Variants in ASAP2 observed in about 807,000 individuals in gnomAD.
ASAP2 encodes the protein arf-GAP with SH3 domain, ANK repeat and PH domain-containing protein 2.
ASAP2 carries 45 observed loss-of-function variants against 131.4 expected under a neutral mutation model. The observed-to-expected ratio is 0.34, with a 90% confidence interval of 0.27 to 0.44. The LOEUF (loss-of-function observed/expected upper bound fraction) is 0.44. Among genes scored for constraint, ASAP2 ranks in the 20% least tolerant of loss-of-function variants. The probability of loss-of-function intolerance (pLI) is 1.00; values close to 1 mark genes in which losing one functional copy is unlikely to be tolerated. For synonymous variants in ASAP2, 510 were observed against 503.0 expected (o/e 1.01, Z -0.19); for missense variants, 1,011 against 1,297.0 (o/e 0.78, Z 3.39).
At chr2:9,379,458 G>A (rs1478928122) in intron 19 of ASAP2, among the ~76,000 whole-genome samples, 1 of 152,122 alleles carries the variant, frequency 6.6e-6, no homozygotes, top group African/African-American at 2.4e-5. Flanking sequence ...TACAGGGGGA[G>A]ATGCTGTTTA....
intron 24 of ASAP2, among the ~76,000 whole-genome samples, chr2:9,396,737 C>A (rs561540324): frequency 6.6e-6 from 1 of 152,224 alleles, no homozygotes; most frequent in Non-Finnish European, 1.5e-5. Context: ...CACAGTGGCT[C>A]ACACCTACAA....
In ASAP2 at chr2:9,297,387, G is replaced by T. The variant is rs373522266; in HGVS notation, c.287G>T (p.Ser96Ile). 1 of 1,614,176 alleles carries T rather than the reference G, an allele frequency of 6.2e-7. No individual in the cohort carries two copies. Among genetic ancestry groups the T allele is most frequent in the Non-Finnish European group, 8.5e-7 (1 of 1,180,032 alleles). ...TGCAGAGATGACCCAGATTTAGGAA[G>T]TGCGTTCCTGAAGTTCTCAGTGTTT... ...CVCRDDPDLG[S>I]AFLKFSVFTK... is the part of the protein sequence containing the mutation. The change falls in exon 3 of 28, where the codon AGT (serine) becomes ATT (isoleucine). Residue 96 changes from serine (S) to isoleucine (I), a missense_variant. By Grantham distance (142) the Ser-to-Ile change is moderately radical. This residue lies in a region of ASAP2 where 359 missense variants were observed against 598.1 expected (regional missense o/e 0.60). Transcript: ENST00000281419.
intron 1 of ASAP2, among the ~76,000 whole-genome samples, chr2:9,228,999 C>G (rs1008947251): frequency 6.6e-6 from 1 of 152,132 alleles, no homozygotes; most frequent in Non-Finnish European, 1.5e-5. Context: ...CTGCCGGGCT[C>G]CATTCCGAAA....
intron 2 of ASAP2, among the ~76,000 whole-genome samples, chr2:9,294,553 A>G (rs1259964530): frequency 6.6e-6 from 1 of 152,208 alleles, no homozygotes; most frequent in Non-Finnish European, 1.5e-5. Flanking sequence ...GACTCTCTGA[A>G]CTGCACTTGA....
At chr2:9,377,330 C>T (rs1368956173) in intron 18 of ASAP2, among the ~76,000 whole-genome samples, 4 of 152,198 alleles carry the variant, frequency 2.6e-5, no homozygotes, top group Admixed American at 6.5e-5. Flanking sequence ...GCCAGGTCAT[C>T]GTACTGCGCA....
At chr2:9,395,585 G>GTTTTTTTTTTTTTTTTTTTTTTTTTT (rs1312749688) in intron 24 of ASAP2, among the ~76,000 whole-genome samples, 2 of 76,214 alleles carry the variant, frequency 2.6e-5, no homozygotes, top group Non-Finnish European at 6.4e-5. Flanking sequence ...TTTTTCTTGT[G>GTTTTTTTTTTTTTTTTTTTTTTTTTT]TTTTTTTTCT....
intron 1 of ASAP2, among the ~76,000 whole-genome samples, chr2:9,251,284 G>A (rs1572254150): frequency 6.6e-6 from 1 of 152,184 alleles, no homozygotes; most frequent in African/African-American, 2.4e-5. Flanking sequence ...CTGAGGTTGT[G>A]AGGGTGGGGC....
At chr2:9,374,231 G>C (rs912265169) in intron 16 of ASAP2, among the ~76,000 whole-genome samples, 1 of 152,226 alleles carries the variant, frequency 6.6e-6, no homozygotes, top group Non-Finnish European at 1.5e-5. Flanking sequence ...TCATCTGATA[G>C]TGCCTTTCAT....
At chr2:9,240,615 A>G (rs1163978854) in intron 1 of ASAP2, among the ~76,000 whole-genome samples, 1 of 152,154 alleles carries the variant, frequency 6.6e-6, no homozygotes, top group Non-Finnish European at 1.5e-5. Flanking sequence ...TAGCTTTTGC[A>G]GTTTGAGATG....
At chr2:9,264,725 T>A (rs1290830468) in intron 1 of ASAP2, among the ~76,000 whole-genome samples, 1 of 152,210 alleles carries the variant, frequency 6.6e-6, no homozygotes, top group Non-Finnish European at 1.5e-5. Flanking sequence ...TTTTTCTCCC[T>A]GTGTACCATT....
At chr2:9,356,527 C>T (rs1347470710) in intron 14 of ASAP2, among the ~76,000 whole-genome samples, 182 bp downstream of exon 14, 3 of 152,150 alleles carry the variant, frequency 2.0e-5, no homozygotes, top group East Asian at 3.9e-4. Context: ...GGGAGAGGGG[C>T]GGGAAGATGT....
At chr2:9,368,871 AC>A (rs1673695399) in intron 16 of ASAP2, among the ~76,000 whole-genome samples, 1 of 152,096 alleles carries the variant, frequency 6.6e-6, no homozygotes, top group South Asian at 2.1e-4. Context: ...ATCCTGAGCC[AC>A]CGAGATGGCT....
chr2:9,316,932 A>G (rs894043028), intron 3 of ASAP2, among the ~76,000 whole-genome samples: 2 of 87,740 alleles, frequency 2.3e-5, no homozygotes, highest in African/African-American at 4.5e-5. Context: ...CCCCCTCACA[A>G]TCACACCCTC....
Position 9,257,484 on chromosome 2 carries a change from C to T in ASAP2, c.127-21833C>T, listed in dbSNP as rs115475730. Among the ~76,000 whole-genome samples the T allele has an allele frequency of 5.5e-3, 834 of 152,256 alleles. 8 individuals are homozygous for T. Among genetic ancestry groups the T allele is most frequent in the African/African-American group, 0.019 (800 of 41,534 alleles). On this transcript the variant is annotated intron_variant, in intron 1 of 27. Coordinates refer to ENST00000281419, the MANE Select transcript of ASAP2 (RefSeq NM_003887.3). ...AAACTAATGAACCAGTACATGATGT[C>T]GGAAAGAACAGGCTAGGAGAATGTG...
intron 1 of ASAP2, chr2:9,271,649 C>A: frequency 1.2e-6 from 1 of 854,256 alleles, no homozygotes; most frequent in South Asian, 2.3e-5. Flanking sequence ...TTCTTTTTCT[C>A]GGTGGAAATG....
chr2:9,209,952 T>C (rs959580777), intron 1 of ASAP2, among the ~76,000 whole-genome samples: 6 of 152,274 alleles, frequency 3.9e-5, no homozygotes, highest in African/African-American at 1.4e-4. Flanking sequence ...CATTTTACAA[T>C]TAAAATGTGC....
intron 1 of ASAP2, among the ~76,000 whole-genome samples, chr2:9,231,786 A>G (rs1040168712): frequency 6.6e-6 from 1 of 152,090 alleles, no homozygotes; most frequent in Non-Finnish European, 1.5e-5. Context: ...GCCGTCTCGC[A>G]TGCCATCCTT....
intron 3 of ASAP2, among the ~76,000 whole-genome samples, chr2:9,309,900 G>A (rs934353536): frequency 6.6e-6 from 1 of 152,184 alleles, no homozygotes; most frequent in Non-Finnish European, 1.5e-5. Context: ...GGACATCACA[G>A]GTCCAAAGCC....
rs140864383 is a variant in ASAP2, at chr2:9,362,765, AC to A, written c.1461+3879del. Among the ~76,000 whole-genome samples the A allele has an allele frequency of 5.6e-3, 859 of 152,216 alleles. 6 individuals are homozygous for A. The highest frequency in any genetic ancestry group is 7.8e-3 in the Non-Finnish European group (533 of 68,006). ...GCTGAGGCAGGAGGATCACCTGAGC[AC>A]CCAGGAAGTTGAGGCTACAGTGAAC... On this transcript the variant is annotated intron_variant, in intron 15 of 27. Transcript: ENST00000281419.
Sources: gnomAD v4.1 joint callset for allele counts (sites outside exome capture counted in the v4.1 genomes callset) on GRCh38, gnomAD v4.1.1 for gene constraint, gnomAD v4.1.1 regional missense constraint, MANE v1.5 for transcripts, NCBI Gene and HGNC (gene_info 2026-07-23, HGNC 2026-07-21) for gene names.